SBF2: variants seen among roughly 807,000 people sequenced by gnomAD.
SBF2 encodes the protein SET binding factor 2.
SBF2 carries 112 observed loss-of-function variants against 225.2 expected under a neutral mutation model. The observed-to-expected ratio is 0.50, with a 90% CI of 0.43 to 0.58. The LOEUF is 0.58. SBF2 is among the 20% of genes least tolerant of loss of function. SBF2 has a pLI of 0.00. For missense variants in SBF2, 1,996 were observed against 2,206.2 expected (o/e 0.90, Z 1.91); for synonymous variants, 763 against 773.3 (o/e 0.99, Z 0.22).
chr11:10,295,224 T>G (rs1964458493), upstream of SBF2, among the ~76,000 whole-genome samples: 1 of 152,226 alleles, frequency 6.6e-6, no homozygotes, highest in Non-Finnish European at 1.5e-5. Flanking sequence ...TCCTTCATAT[T>G]TACACATAAG....
chr11:10,002,895 C>T (rs1948034215), intron 6 of SBF2, among the ~76,000 whole-genome samples: 1 of 152,130 alleles, frequency 6.6e-6, no homozygotes, highest in Admixed American at 6.5e-5. Flanking sequence ...AATCAGGTAA[C>T]ACTCATTGAA....
chr11:10,038,094 G>A (rs1949516378), intron 3 of SBF2, among the ~76,000 whole-genome samples: 1 of 151,818 alleles, frequency 6.6e-6, no homozygotes, highest in Non-Finnish European at 1.5e-5. Context: ...TGGAGTATTG[G>A]TTTTGTTCCC....
At chr11:10,021,383 T>C (rs2134597226) in intron 6 of SBF2, among the ~76,000 whole-genome samples, 1 of 152,242 alleles carries the variant, frequency 6.6e-6, no homozygotes, top group South Asian at 2.1e-4. Flanking sequence ...CCCAGCATTG[T>C]TAGTACACTT....
At chr11:9,978,414 T>G (rs939441689) in intron 13 of SBF2, among the ~76,000 whole-genome samples, 1 of 152,152 alleles carries the variant, frequency 6.6e-6, no homozygotes, top group Admixed American at 6.5e-5. Flanking sequence ...ACCTAGAATA[T>G]GCCTGGCACT....
intron 1 of SBF2, among the ~76,000 whole-genome samples, chr11:10,284,142 A>G (rs1324407030): frequency 6.6e-6 from 1 of 152,186 alleles, no homozygotes; most frequent in East Asian, 1.9e-4. Flanking sequence ...ATTAATACAG[A>G]AACCATATAC....
intron 16 of SBF2, among the ~76,000 whole-genome samples, chr11:9,933,146 C>G (rs1395625464): frequency 6.6e-6 from 1 of 152,068 alleles, no homozygotes; most frequent in Non-Finnish European, 1.5e-5. Flanking sequence ...CAGGAGCACC[C>G]AGATTCATAA....
At chr11:9,893,132 C>T (rs1434080307) in intron 17 of SBF2, among the ~76,000 whole-genome samples, 1 of 152,202 alleles carries the variant, frequency 6.6e-6, no homozygotes, top group Admixed American at 6.5e-5. Flanking sequence ...TGAGTCCATT[C>T]TCTGAAGCAA....
Position 10,159,202 on chromosome 11 carries a change from G to A in SBF2, c.141+34700C>T, listed in dbSNP as rs374189524. Among the ~76,000 whole-genome samples the A allele has an allele frequency of 1.1e-3, 162 of 152,240 alleles. No individual in the cohort carries two copies. The Middle Eastern group carries it at 0.014, about 13-fold the overall frequency. On this transcript the variant is annotated intron_variant, in intron 2 of 39. Coordinates refer to ENST00000256190, the MANE Select transcript of SBF2 (RefSeq NM_030962.4). The stretch of plus-strand genomic sequence containing the variant: ...AAGCTGTCCTTGTTTGTTCCTTGGC[G>A]TAGGCTGAACTAACTTTGGGAGAAA...
At chr11:10,253,555 ACT>A (rs1163756336) in intron 1 of SBF2, among the ~76,000 whole-genome samples, 2 of 152,050 alleles carry the variant, frequency 1.3e-5, no homozygotes, top group Non-Finnish European at 2.9e-5. Context: ...TAAATCACAG[ACT>A]CTACCAATAC....
chr11:10,155,100 CAAAT>C (rs1025979691), intron 2 of SBF2, among the ~76,000 whole-genome samples: 7 of 152,206 alleles, frequency 4.6e-5, no homozygotes, highest in South Asian at 2.1e-4. Flanking sequence ...AATTATAAAA[CAAAT>C]AAACCATTTG....
rs542660745 is a variant in SBF2 at position 10,221,163 on chromosome 11, G to T, written c.56-27176C>A. 8.7e-5 allele frequency among the ~76,000 whole-genome samples: 13 copies of T among 150,198 alleles called. No individual in the cohort carries two copies. In the South Asian group the frequency reaches 2.7e-3, roughly 32 times the overall value. ...AATTGAGACTCGCTCTGTTGCCCAGGCTGGAGTACAATGCCGCAATATCAG... is the reference window on the plus strand; with the variant it reads ...AATTGAGACTCGCTCTGTTGCCCAGTCTGGAGTACAATGCCGCAATATCAG... On this transcript the variant is annotated intron_variant, in intron 1 of 39. Transcript: ENST00000256190.
At chr11:10,267,366 T>G (rs1962096822) in intron 1 of SBF2, among the ~76,000 whole-genome samples, 1 of 151,916 alleles carries the variant, frequency 6.6e-6, no homozygotes, top group Admixed American at 6.6e-5. Context: ...CCTAACAGAG[T>G]GCACTTTATA....
At chr11:10,076,698 T>A (rs1167098260) in intron 2 of SBF2, among the ~76,000 whole-genome samples, 1 of 152,140 alleles carries the variant, frequency 6.6e-6, no homozygotes, top group Non-Finnish European at 1.5e-5. Flanking sequence ...TTCAGGCAGG[T>A]CCCACTACTG....
chr11:9,894,918 G>A (rs1450439509), intron 17 of SBF2, among the ~76,000 whole-genome samples: 1 of 151,942 alleles, frequency 6.6e-6, no homozygotes, highest in Non-Finnish European at 1.5e-5. Flanking sequence ...GGAGGAGGAG[G>A]TTGCAATGAG....
At chr11:10,176,944 A>T (rs1179119186) in intron 2 of SBF2, among the ~76,000 whole-genome samples, 1 of 152,198 alleles carries the variant, frequency 6.6e-6, no homozygotes, top group East Asian at 1.9e-4. Flanking sequence ...AATCCTCAAT[A>T]AAATACTGGC....
At chr11:9,882,379 C>T (rs1859842775) in intron 17 of SBF2, among the ~76,000 whole-genome samples, 1 of 152,144 alleles carries the variant, frequency 6.6e-6, no homozygotes, top group South Asian at 2.1e-4. Context: ...TTAATGGTGA[C>T]ACAATATCCT....
chr11:10,017,724 A>C (rs970046513), intron 6 of SBF2, among the ~76,000 whole-genome samples: 2 of 152,182 alleles, frequency 1.3e-5, no homozygotes, highest in African/African-American at 4.8e-5. Flanking sequence ...CCCCCTGAGT[A>C]TGACATGAAT....
At chr11:9,976,758 TTTG>T (rs944418618) in intron 13 of SBF2, among the ~76,000 whole-genome samples, 18 of 151,816 alleles carry the variant, frequency 1.2e-4, no homozygotes, top group East Asian at 5.8e-4. Context: ...TTTCTTTTTT[TTTG>T]TTGTTGTTGT....
Position 9,795,105 on chromosome 11 carries a change from AAAGT to A in SBF2, c.4570+722_4570+725del, listed in dbSNP as rs1236845368. On this transcript the variant is annotated intron_variant, in intron 33 of 39. Coordinates refer to ENST00000256190, the MANE Select transcript of SBF2 (RefSeq NM_030962.4). ...TTTCCTCTCCCCCGTAACAGTTATA[AAAGT>A]AAGAATGTAAAATTCCCTTGGGAAA... Among the ~76,000 whole-genome samples the A allele has an allele frequency of 2.6e-5, 4 of 152,352 alleles. 1 individual carries two copies. The highest frequency in any genetic ancestry group is 4.4e-5 in the Non-Finnish European group (3 of 68,032).
Sources: gnomAD v4.1 joint callset for allele counts (sites outside exome capture counted in the v4.1 genomes callset) on GRCh38, gnomAD v4.1.1 for gene constraint, MANE v1.5 for transcripts, NCBI Gene and HGNC (gene_info 2026-07-23, HGNC 2026-07-21) for gene names.